The following ADK variants were observed in gnomAD, a reference collection of about 807,000 sequenced individuals.
The protein encoded by ADK is N6,N6-dimethyladenosine kinase.
ADK carries 24 observed loss-of-function variants against 44.7 expected under a neutral mutation model. The ratio of observed to expected loss-of-function variants is 0.54; its 90% CI spans 0.39 to 0.76. The LOEUF (loss-of-function observed/expected upper bound fraction) is 0.76, where lower values mean the gene tolerates loss of function less well. Among genes scored for constraint, ADK ranks in the 30% least tolerant of loss-of-function variants. The pLI, the probability that ADK is intolerant of heterozygous loss-of-function variation, is 0.00. For missense variants in ADK, 321 were observed against 425.1 expected, an observed-to-expected ratio of 0.76 and a Z score of 2.15; for synonymous variants, 128 against 142.6, an observed-to-expected ratio of 0.90 and a Z score of 0.73.
chr10:74,216,377 C>G (rs1010606275), intron 2 of ADK, among the ~76,000 whole-genome samples: 4 of 151,838 alleles, frequency 2.6e-5, no homozygotes, highest in East Asian at 1.9e-4. Flanking sequence ...TTTTCTCCTT[C>G]TCTGCCTTCA....
intron 2 of ADK, among the ~76,000 whole-genome samples, chr10:74,202,432 T>TAAGC (rs1843429903): frequency 6.6e-6 from 1 of 152,230 alleles, no homozygotes; most frequent in African/African-American, 2.4e-5. Flanking sequence ...TATTCATGTA[T>TAAGC]AAGCTTTTGT....
intron 6 of ADK, among the ~76,000 whole-genome samples, chr10:74,472,669 ATTAAAG>A (rs1846642955): frequency 1.3e-5 from 2 of 152,222 alleles, no homozygotes; most frequent in Admixed American, 6.5e-5. Context: ...ATTTTTAAAA[ATTAAAG>A]TTTAAAATTT....
At position 74,589,282 on chromosome 10, in the gene ADK, G is replaced by A. The variant is rs764050181; in HGVS notation, c.727G>A (p.Glu243Lys). 1 of 1,612,460 alleles carries A rather than the reference G, an allele frequency of 6.2e-7. No individual in the cohort carries two copies. Among genetic ancestry groups the A allele is most frequent in the Non-Finnish European group, 8.5e-7 (1 of 1,179,408 alleles). ...YVDILFGNET[E>K]AATFAREQGF... is the part of the protein sequence containing the mutation. ...CTGTTCTTTTTTTTTTTTATTTCAGGAAGCTGCCACTTTTGCTAGAGAGCA... is the reference window on the plus strand; with the variant it reads ...CTGTTCTTTTTTTTTTTTATTTCAGAAAGCTGCCACTTTTGCTAGAGAGCA... Residue 243 changes from glutamate (E) to lysine (K), a missense_variant and splice_region_variant, in exon 8 of 11, where the codon GAA becomes AAA. Transcript: ENST00000539909.
At chr10:74,424,817 A>T (rs1844734504) in intron 6 of ADK, among the ~76,000 whole-genome samples, 1 of 152,092 alleles carries the variant, frequency 6.6e-6, no homozygotes, top group Non-Finnish European at 1.5e-5. Context: ...CTGACATTGA[A>T]TTTTATGTAA....
At chr10:74,287,957 G>GTACT (rs1357044313) in intron 3 of ADK, among the ~76,000 whole-genome samples, 1 of 149,288 alleles carries the variant, frequency 6.7e-6, no homozygotes. Flanking sequence ...ACTCCTGCCT[G>GTACT]GGGCGATGTA....
chr10:74,680,417 C>T (rs1314802857), intron 10 of ADK, among the ~76,000 whole-genome samples: 1 of 151,848 alleles, frequency 6.6e-6, no homozygotes, highest in Non-Finnish European at 1.5e-5. Context: ...TGTAGGTATA[C>T]TTATAAAAGC....
intron 1 of ADK, among the ~76,000 whole-genome samples, chr10:74,197,002 C>T (rs1488208708): frequency 6.6e-6 from 1 of 152,130 alleles, no homozygotes; most frequent in African/African-American, 2.4e-5. Flanking sequence ...GTTTTTAAGG[C>T]TTCTAGCACC....
intron 10 of ADK, among the ~76,000 whole-genome samples, chr10:74,682,139 G>A (rs7918927): frequency 0.11 from 16,463 of 151,550 alleles, 1,449 homozygotes; most frequent in African/African-American, 0.23. Flanking sequence ...GTTTTGAAAG[G>A]GATTAGGGTG....
At chr10:74,347,782 CA>C (rs1424881146) in intron 4 of ADK, among the ~76,000 whole-genome samples, 1 of 152,150 alleles carries the variant, frequency 6.6e-6, no homozygotes, top group Non-Finnish European at 1.5e-5. Context: ...TTTTCCCTGA[CA>C]GTACTAAGGT....
intron 6 of ADK, among the ~76,000 whole-genome samples, chr10:74,453,173 C>A (rs567498711): frequency 6.6e-6 from 1 of 151,826 alleles, no homozygotes; most frequent in Non-Finnish European, 1.5e-5. Flanking sequence ...TGTATATATA[C>A]CTGATGCCAT....
chr10:74,456,579 A>G (rs948520436), intron 6 of ADK, among the ~76,000 whole-genome samples: 2 of 147,538 alleles, frequency 1.4e-5, no homozygotes, highest in African/African-American at 5.0e-5. Flanking sequence ...AGGCAGGAGA[A>G]TGGCGTGAAC....
chr10:74,191,362 A>G (rs1440784122), intron 1 of ADK, among the ~76,000 whole-genome samples: 2 of 151,918 alleles, frequency 1.3e-5, no homozygotes, highest in African/African-American at 2.4e-5. Flanking sequence ...GCCATTCCCA[A>G]TGATGTCACC....
intron 6 of ADK, among the ~76,000 whole-genome samples, chr10:74,475,611 G>A (rs1219342638): frequency 6.6e-6 from 1 of 151,988 alleles, no homozygotes; most frequent in African/African-American, 2.4e-5. Context: ...GGAGGTTTAG[G>A]CAGGAGAATT....
chr10:74,554,487 C>T (rs1425454474), intron 7 of ADK, among the ~76,000 whole-genome samples: 2 of 151,972 alleles, frequency 1.3e-5, no homozygotes, highest in Non-Finnish European at 2.9e-5. Flanking sequence ...AGTTCCAATA[C>T]AATATTTTCT....
At chr10:74,360,088 C>G (rs1016961485) in intron 4 of ADK, among the ~76,000 whole-genome samples, 4 of 152,090 alleles carry the variant, frequency 2.6e-5, no homozygotes. Flanking sequence ...GGAGAATGTT[C>G]CATGTACCGA....
chr10:74,209,675 A>G (rs534404389), intron 2 of ADK, among the ~76,000 whole-genome samples: 9 of 152,188 alleles, frequency 5.9e-5, no homozygotes, highest in African/African-American at 2.2e-4. Flanking sequence ...CAGTAGCACA[A>G]TCATAGCCTA....
chr10:74,504,422 T>G (rs1183259995), intron 6 of ADK, among the ~76,000 whole-genome samples: 18 of 152,064 alleles, frequency 1.2e-4, no homozygotes. Flanking sequence ...TAGTTGAAAA[T>G]CCATGTATAA....
chr10:74,180,131 G>A (rs1842479061), intron 1 of ADK, among the ~76,000 whole-genome samples: 2 of 151,910 alleles, frequency 1.3e-5, no homozygotes, highest in Admixed American at 6.6e-5. Context: ...GGAAATCAAT[G>A]AGGACCAATG....
chr10:74,440,751 T>C (rs1049907965), intron 6 of ADK, among the ~76,000 whole-genome samples: 2 of 152,172 alleles, frequency 1.3e-5, no homozygotes, highest in Admixed American at 1.3e-4. Context: ...TAATTGTATA[T>C]GCTTATCATT....
Sources: allele counts gnomAD v4.1 joint callset (sites outside exome capture counted in the v4.1 genomes callset), GRCh38; gene constraint gnomAD v4.1.1; transcripts MANE v1.5; gene names NCBI Gene and HGNC (gene_info 2026-07-23, HGNC 2026-07-21).